Variants in FMN1 observed in about 807,000 individuals in gnomAD.
FMN1 encodes the protein formin 1.
A neutral mutation model predicts 132.4 loss-of-function variants in FMN1; 110 were observed. The ratio of observed to expected loss-of-function variants is 0.83; its 90% CI spans 0.71 to 0.97. FMN1 has a LOEUF of 0.97. Among genes scored for constraint, FMN1 ranks in the 50% least tolerant of loss-of-function variants. The pLI, the probability that FMN1 is intolerant of heterozygous loss-of-function variation, is 0.00. For missense variants in FMN1, 1,792 were observed against 1,705.3 expected, an observed-to-expected ratio of 1.05 and a Z score of -0.90; for synonymous variants, 722 against 651.7, an observed-to-expected ratio of 1.11 and a Z score of -1.64.
chr15:33,077,068 G>A (rs201316397), intron 5 of FMN1, among the ~76,000 whole-genome samples: 14 of 152,270 alleles, frequency 9.2e-5, no homozygotes, highest in Admixed American at 7.2e-4. Flanking sequence ...TTGCTCTGTC[G>A]CCTAGGCTGG....
chr15:32,811,359 T>G (rs967294788), intron 17 of FMN1, among the ~76,000 whole-genome samples: 1 of 152,110 alleles, frequency 6.6e-6, no homozygotes, highest in Non-Finnish European at 1.5e-5. Flanking sequence ...AGATTTTCTG[T>G]GTAAAGTGTT....
At chr15:33,066,404 TA>T in intron 5 of FMN1, 1 of 969,708 alleles carries the variant, frequency 1.0e-6, no homozygotes, top group Non-Finnish European at 1.5e-6. Flanking sequence ...CTTTTTCAAC[TA>T]AAAGAATCAC....
intron 15 of FMN1, among the ~76,000 whole-genome samples, chr15:32,890,799 C>T (rs2060008880): frequency 6.6e-6 from 1 of 152,196 alleles, no homozygotes; most frequent in Non-Finnish European, 1.5e-5. Context: ...GGTTCTTGGT[C>T]ATGAAATCCT....
intron 6 of FMN1, among the ~76,000 whole-genome samples, chr15:33,013,354 T>C (rs1291389371): frequency 6.6e-6 from 1 of 152,208 alleles, no homozygotes; most frequent in African/African-American, 2.4e-5. Flanking sequence ...ACCCATGCTA[T>C]CAATTGCTAA....
intron 4 of FMN1, among the ~76,000 whole-genome samples, chr15:33,123,431 A>G (rs1379425329): frequency 6.6e-6 from 1 of 152,224 alleles, no homozygotes; most frequent in Non-Finnish European, 1.5e-5. Context: ...GAATGAATAC[A>G]TGGCACTAAG....
intron 4 of FMN1, among the ~76,000 whole-genome samples, chr15:33,118,848 T>C (rs1396399795): frequency 1.3e-5 from 2 of 151,666 alleles, no homozygotes; most frequent in Non-Finnish European, 2.9e-5. Flanking sequence ...CTAGTCACAT[T>C]CATACTCCAA....
At chr15:33,095,993 T>A (rs1251545671) in intron 4 of FMN1, among the ~76,000 whole-genome samples, 1 of 134,294 alleles carries the variant, frequency 7.4e-6, no homozygotes. Flanking sequence ...CGTAACAAGG[T>A]AAATACCAAA....
intron 5 of FMN1, chr15:33,067,195 G>T: frequency 6.2e-7 from 1 of 1,613,582 alleles, no homozygotes. Context: ...GGTCCTGGCT[G>T]GGGCGACGCT....
intron 4 of FMN1, among the ~76,000 whole-genome samples, chr15:33,107,830 T>C (rs891803875): frequency 4.6e-5 from 7 of 152,094 alleles, no homozygotes; most frequent in Non-Finnish European, 8.8e-5. Context: ...TGTATATAGG[T>C]GGTACTATGA....
At chr15:33,123,884 A>C (rs527613506) in intron 4 of FMN1, among the ~76,000 whole-genome samples, 1 of 152,230 alleles carries the variant, frequency 6.6e-6, no homozygotes, top group Non-Finnish European at 1.5e-5. Context: ...ATGGAGCTCA[A>C]ATGATATAAG....
intron 3 of FMN1, among the ~76,000 whole-genome samples, chr15:33,169,058 C>G (rs1352417872): frequency 6.6e-6 from 1 of 152,156 alleles, no homozygotes; most frequent in Non-Finnish European, 1.5e-5. Context: ...GGAGATGTCA[C>G]GATAGTTCTT....
chr15:32,900,910 T>C (rs1051355687), intron 13 of FMN1, among the ~76,000 whole-genome samples: 11 of 152,110 alleles, frequency 7.2e-5, no homozygotes, highest in African/African-American at 2.4e-4. Flanking sequence ...TCCCAGCACG[T>C]TGGGAGGCCG....
At chr15:33,118,132 G>A (rs1234026177) in intron 4 of FMN1, among the ~76,000 whole-genome samples, 5 of 152,160 alleles carry the variant, frequency 3.3e-5, no homozygotes, top group African/African-American at 1.2e-4. Context: ...TCTATGGAAT[G>A]CCAATACACC....
intron 7 of FMN1, among the ~76,000 whole-genome samples, chr15:32,999,778 A>G (rs2033987657): frequency 6.6e-6 from 1 of 152,208 alleles, no homozygotes; most frequent in Non-Finnish European, 1.5e-5. Flanking sequence ...CAAGTCCTCT[A>G]CTTTCAAACT....
intron 6 of FMN1, among the ~76,000 whole-genome samples, chr15:33,045,032 A>T (rs923045887): frequency 6.6e-6 from 1 of 152,208 alleles, no homozygotes; most frequent in Non-Finnish European, 1.5e-5. Flanking sequence ...CCCTTCAGGG[A>T]GCCCAGACCT....
chr15:32,949,070 T>A (rs936386024), intron 9 of FMN1, among the ~76,000 whole-genome samples: 4 of 116,798 alleles, frequency 3.4e-5, no homozygotes, highest in Non-Finnish European at 7.0e-5. Context: ...CTACATCCTA[T>A]GAGTCTTATC....
intron 4 of FMN1, among the ~76,000 whole-genome samples, chr15:33,118,104 A>C (rs2039997264): frequency 6.6e-6 from 1 of 152,210 alleles, no homozygotes; most frequent in Non-Finnish European, 1.5e-5. Context: ...AGAAAATGTA[A>C]ATACATGTGC....
intron 12 of FMN1, among the ~76,000 whole-genome samples, chr15:32,906,778 T>C (rs111241355): frequency 1.3e-5 from 2 of 152,106 alleles, no homozygotes; most frequent in Non-Finnish European, 2.9e-5. Flanking sequence ...AGGGTAGGGA[T>C]TGGTAAGGAA....
At chr15:33,110,971 C>T (rs2039679368) in intron 4 of FMN1, among the ~76,000 whole-genome samples, 1 of 151,966 alleles carries the variant, frequency 6.6e-6, no homozygotes, top group Admixed American at 6.6e-5. Flanking sequence ...ATAATTATTC[C>T]GAGTAAATGA....
Sources: gnomAD v4.1 joint callset for allele counts (sites outside exome capture counted in the v4.1 genomes callset) on GRCh38, gnomAD v4.1.1 for gene constraint, MANE v1.5 for transcripts, NCBI Gene and HGNC (gene_info 2026-07-23, HGNC 2026-07-21) for gene names.